The following FAM78B variants were observed in gnomAD, a reference collection of about 807,000 sequenced individuals.
FAM78B encodes protein FAM78B.
Under a neutral mutation model 20.0 loss-of-function variants are expected in FAM78B, and 10 were observed. That is an observed-to-expected ratio of 0.50 (90% CI 0.31 to 0.85). The LOEUF (loss-of-function observed/expected upper bound fraction) is 0.85. Among genes scored for constraint, FAM78B ranks in the 40% least tolerant of loss-of-function variants. FAM78B has a pLI of 0.05. For missense variants in FAM78B, 283 were observed against 345.0 expected (o/e 0.82, Z 1.42); for synonymous variants, 135 against 132.8 (o/e 1.02, Z -0.12).
At chr1:166,131,834 C>T (rs894078490) in intron 1 of FAM78B, among the ~76,000 whole-genome samples, 1 of 152,158 alleles carries the variant, frequency 6.6e-6, no homozygotes, top group Non-Finnish European at 1.5e-5. Flanking sequence ...GCAGGGCTGT[C>T]TAGGGGTGGG....
chr1:166,140,584 A>G (rs1460002469), intron 1 of FAM78B, among the ~76,000 whole-genome samples: 1 of 152,210 alleles, frequency 6.6e-6, no homozygotes, highest in Non-Finnish European at 1.5e-5. Flanking sequence ...TCCAAAGGAG[A>G]CTTCTGTCTT....
At chr1:166,082,104 T>A (rs971940595) in intron 1 of FAM78B, among the ~76,000 whole-genome samples, 1 of 152,216 alleles carries the variant, frequency 6.6e-6, no homozygotes, top group African/African-American at 2.4e-5. Context: ...TTTTATAAAA[T>A]GTACATCAGG....
At chr1:166,148,637 G>T (rs1281739454) in intron 1 of FAM78B, among the ~76,000 whole-genome samples, 2 of 152,226 alleles carry the variant, frequency 1.3e-5, no homozygotes, top group African/African-American at 4.8e-5. Flanking sequence ...CAGGCGGGCA[G>T]CTGGGATGCA....
downstream of FAM78B, among the ~76,000 whole-genome samples, chr1:166,064,829 G>A (rs1428399828): frequency 2.0e-5 from 3 of 152,226 alleles, no homozygotes; most frequent in Non-Finnish European, 4.4e-5. Context: ...CTTTCTGATC[G>A]TGATGTTGGC....
At position 166,166,794 on chromosome 1, in the gene FAM78B, G is replaced by T. The variant is rs192842625; in HGVS notation, c.-546C>A. The T allele has an allele frequency of 0.026, 3,864 of 151,042 alleles. 151 individuals carry two copies. The highest frequency in any genetic ancestry group is 0.09 in the African/African-American group (3,707 of 41,224). 9.4% of individuals were successfully genotyped at this position (151,042 alleles called of 1,614,324 possible). A position where few individuals can be genotyped will look rare whatever the true frequency, so the allele number is the denominator to read the frequency against. ...AGCGCACCCAGCGGCGGGCGAGCGG[G>T]CGGCCCAAGAGGCAGGCGGAGGCAG... is the stretch of plus-strand genomic sequence containing the variant. On this transcript the variant is annotated 5_prime_UTR_variant, in exon 1 of 2. Transcript: ENST00000354422.
chr1:166,068,570 A>C (rs1337316488), downstream of FAM78B, among the ~76,000 whole-genome samples: 2 of 152,190 alleles, frequency 1.3e-5, no homozygotes, highest in African/African-American at 4.8e-5. Flanking sequence ...ACTAAATTGA[A>C]TTTTTAATAA....
intron 1 of FAM78B, among the ~76,000 whole-genome samples, chr1:166,160,045 A>C (rs1445948494): frequency 6.6e-6 from 1 of 152,214 alleles, no homozygotes; most frequent in Non-Finnish European, 1.5e-5. Flanking sequence ...CCAGACCGTG[A>C]GCCTCCTGAT....
intron 2 of FAM78B, among the ~76,000 whole-genome samples, chr1:166,061,647 C>T (rs976719883): frequency 3.3e-5 from 5 of 152,170 alleles, no homozygotes; most frequent in African/African-American, 4.8e-5. Flanking sequence ...AGCCTAGAAG[C>T]CATTCTAGAA....
intron 1 of FAM78B, among the ~76,000 whole-genome samples, chr1:166,093,513 T>C (rs911309384): frequency 2.6e-5 from 4 of 152,196 alleles, no homozygotes; most frequent in Non-Finnish European, 4.4e-5. Context: ...TTTGGCCCTA[T>C]AGGACCATGG....
At chr1:166,099,752 C>G (rs1316567485) in intron 1 of FAM78B, among the ~76,000 whole-genome samples, 1 of 152,184 alleles carries the variant, frequency 6.6e-6, no homozygotes. Context: ...ATGTACCTAA[C>G]ACTGAAGCTT....
Position 166,166,309 on chromosome 1 carries a change from C to A in FAM78B, c.-61G>T. On this transcript the variant is annotated 5_prime_UTR_variant, in exon 1 of 2. Coordinates refer to ENST00000354422, the MANE Select transcript of FAM78B (RefSeq NM_001017961.5). ...CAGCGCGGGGGCCCGCGCGGGCAGC[C>A]GGGGGCGCCCGTCACGCCGGCATGG... The A allele has an allele frequency of 1.8e-6, 2 of 1,142,138 alleles. No homozygotes were observed. The highest frequency in any genetic ancestry group is 2.1e-6 in the Non-Finnish European group (2 of 930,690). 70.8% of individuals were successfully genotyped at this position (1,142,138 alleles called of 1,614,324 possible). A position where few individuals can be genotyped will look rare whatever the true frequency, so the allele number is the denominator to read the frequency against.
chr1:166,134,267 T>C (rs923973931), intron 1 of FAM78B, among the ~76,000 whole-genome samples: 2 of 147,254 alleles, frequency 1.4e-5, no homozygotes, highest in Non-Finnish European at 3.0e-5. Flanking sequence ...ATAATATTTA[T>C]TTACTGATCC....
chr1:166,069,047 T>C (rs1651908809), downstream of FAM78B, among the ~76,000 whole-genome samples: 1 of 152,332 alleles, frequency 6.6e-6, no homozygotes, highest in African/African-American at 2.4e-5. Flanking sequence ...AAAGTTAAGT[T>C]AAGCCTTAGG....
chr1:166,087,454 A>G (rs373042701), intron 1 of FAM78B: 156 of 152,288 alleles, frequency 1.0e-3, no homozygotes, highest in African/African-American at 3.7e-3. Flanking sequence ...TTCTCACCCT[A>G]ACAGATACCT....
Position 166,131,166 on chromosome 1 carries a change from A to G in FAM78B, c.263+34820T>C, listed in dbSNP as rs187134911. ...GCCACCACACCCGGCTAATTTTTGT[A>G]TTTTTAGTAGAGATGGGGTTTCGCC... On this transcript the variant is annotated intron_variant, in intron 1 of 1. Transcript: ENST00000354422. 4.0e-5 allele frequency among the ~76,000 whole-genome samples: 6 copies of G among 151,686 alleles called. No individual in the cohort carries two copies. In the East Asian group the frequency reaches 1.2e-3, roughly 29 times the overall value.
Position 166,077,249 on chromosome 1 carries a change from G to A in FAM78B, c.264-6486C>T, listed in dbSNP as rs538150307. 4.6e-5 allele frequency among the ~76,000 whole-genome samples: 7 copies of A among 152,310 alleles called. No individual in the cohort carries two copies. In the South Asian group the frequency reaches 1.4e-3, roughly 32 times the overall value. On this transcript the variant is annotated intron_variant, in intron 1 of 1. Coordinates refer to ENST00000354422, the MANE Select transcript of FAM78B (RefSeq NM_001017961.5). ...TGGTCCAGCATCATGGCTGAAAGCA[G>A]CATTCTGGAGGCAGACTGCTTAGGC...
intron 1 of FAM78B, among the ~76,000 whole-genome samples, chr1:166,122,529 C>T (rs891788): frequency 0.96 from 145,751 of 152,312 alleles, 70,073 homozygotes; most frequent in East Asian, 1. Flanking sequence ...CAGATATTAA[C>T]AGGCCTCAGA....
At chr1:166,155,778 CGT>C (rs1655868682) in intron 1 of FAM78B, among the ~76,000 whole-genome samples, 1 of 152,122 alleles carries the variant, frequency 6.6e-6, no homozygotes, top group African/African-American at 2.4e-5. Flanking sequence ...GGAGGCTCAG[CGT>C]GTGTGGTCTC....
intron 1 of FAM78B, among the ~76,000 whole-genome samples, chr1:166,084,233 ACACACTCTCTCT>A (rs1252009790): frequency 5.7e-5 from 7 of 123,650 alleles, no homozygotes; most frequent in African/African-American, 1.4e-4. Flanking sequence ...ACACACACAC[ACACACTCTCTCT>A]CTCTCTCTCT....
Sources: allele counts gnomAD v4.1 joint callset (sites outside exome capture counted in the v4.1 genomes callset), GRCh38; gene constraint gnomAD v4.1.1; transcripts MANE v1.5; gene names NCBI Gene and HGNC (gene_info 2026-07-23, HGNC 2026-07-21).